Variants in UGT1A5 observed in about 807,000 individuals in gnomAD.
UGT1A5 encodes UDP glucuronosyltransferase family 1 member A5.
In UGT1A5, 29 loss-of-function variants were observed where a neutral mutation model predicts 40.3. The observed-to-expected ratio is 0.72, with a 90% CI of 0.54 to 0.98. The LOEUF (loss-of-function observed/expected upper bound fraction) is 0.98, where lower values mean the gene tolerates loss of function less well. Among genes scored for constraint, UGT1A5 ranks in the 50% least tolerant of loss-of-function variants. UGT1A5 has a pLI of 0.00. For missense variants in UGT1A5, 678 were observed against 677.9 expected (o/e 1.00, Z 0.00); for synonymous variants, 257 against 262.5 (o/e 0.98, Z 0.20).
intron 1 of UGT1A5, among the ~76,000 whole-genome samples, chr2:233,724,181 C>G (rs2077184625): frequency 7.7e-6 from 1 of 129,200 alleles, no homozygotes; most frequent in Non-Finnish European, 1.6e-5. Context: ...CATCTCCCTC[C>G]CGGACGGGGT....
At chr2:233,755,288 C>T in intron 1 of UGT1A5, 1 of 652,734 alleles carries the variant, frequency 1.5e-6, no homozygotes, top group Non-Finnish European at 2.4e-6. Flanking sequence ...GCCAAAGAGC[C>T]TGCGGGGCAC....
chr2:233,746,424 C>G (rs1693388244), intron 1 of UGT1A5, among the ~76,000 whole-genome samples: 1 of 151,702 alleles, frequency 6.6e-6, no homozygotes, highest in African/African-American at 2.4e-5. Flanking sequence ...GACCTATTAA[C>G]TTATGTCTTC....
At chr2:233,753,951 A>G (rs1466645267) in intron 1 of UGT1A5, among the ~76,000 whole-genome samples, 1 of 152,178 alleles carries the variant, frequency 6.6e-6, no homozygotes, top group Non-Finnish European at 1.5e-5. Flanking sequence ...ATGACCTCCA[A>G]AATATTAAGA....
rs45449797 is a variant in UGT1A5, at chr2:233,730,263, G to A, written c.867+16405G>A. ...ACTGGTGTGACTCATAGAGACTGTT[G>A]GTTTGTAAAGGCACCATCTTCATGG... is the stretch of plus-strand genomic sequence containing the variant. On this transcript the variant is annotated intron_variant, in intron 1 of 4. Coordinates refer to ENST00000373414, the MANE Select transcript of UGT1A5 (RefSeq NM_019078.2). 4.3e-4 allele frequency among the ~76,000 whole-genome samples: 66 copies of A among 152,188 alleles called. 2 individuals are homozygous for A. In the East Asian group the frequency reaches 0.011, roughly 26 times the overall value.
intron 1 of UGT1A5, among the ~76,000 whole-genome samples, chr2:233,721,326 T>G (rs2076937613): frequency 6.6e-6 from 1 of 152,254 alleles, no homozygotes; most frequent in East Asian, 1.9e-4. Context: ...TTTCTTGTGG[T>G]TTTTCACTAT....
intron 1 of UGT1A5, among the ~76,000 whole-genome samples, chr2:233,749,562 T>G (rs541768746): frequency 6.6e-6 from 1 of 151,876 alleles, no homozygotes; most frequent in African/African-American, 2.4e-5. Flanking sequence ...ATGTATTCAA[T>G]AGTGAGGCCA....
intron 1 of UGT1A5, chr2:233,717,940 C>T: frequency 2.2e-6 from 1 of 453,716 alleles, no homozygotes; most frequent in Non-Finnish European, 4.4e-6. Context: ...AGTCTCTATG[C>T]AGACTTGCAG....
intron 1 of UGT1A5, chr2:233,748,039 T>C (rs999910080): frequency 2.4e-4 from 393 of 1,613,376 alleles, no homozygotes; most frequent in South Asian, 8.0e-4. Context: ...ATGGTCTTCA[T>C]TGGGGGCATC....
At chr2:233,719,629 T>C in intron 1 of UGT1A5, 1 of 1,614,102 alleles carries the variant, frequency 6.2e-7, no homozygotes, top group Admixed American at 1.7e-5. Flanking sequence ...AGGCCGATCA[T>C]GCCCAACATG....
Position 233,739,559 on chromosome 2 carries a change from G to A in UGT1A5, c.867+25701G>A, listed in dbSNP as rs1322307786. On this transcript the variant is annotated intron_variant, in intron 1 of 4. Coordinates refer to ENST00000373414, the MANE Select transcript of UGT1A5 (RefSeq NM_019078.2). ...TTTGGAGCTTTAAGATTTAATGACTGCCCTGCCTGGTTTTGGACTTGCATG... is the reference window on the plus strand; with the variant it reads ...TTTGGAGCTTTAAGATTTAATGACTACCCTGCCTGGTTTTGGACTTGCATG... 2.6e-5 allele frequency among the ~76,000 whole-genome samples: 4 copies of A among 152,224 alleles called. No homozygotes were observed. In the South Asian group the frequency reaches 8.3e-4, roughly 31 times the overall value.
rs1402956787 is a variant in UGT1A5 at position 233,772,421 on chromosome 2, C to T, written c.1467C>T (p.Ser489=). 4.3e-6 allele frequency: 7 copies of T among 1,614,232 alleles called. No individual in the cohort carries two copies. The highest frequency in any genetic ancestry group is 1.6e-4 in the Middle Eastern group (1 of 6,062). ...AHDLTWYQYH[S]LDVIGFLLAV... ...ACCTCACCTGGTACCAGTACCATTC[C>T]TTGGACGTGATTGGTTTCCTCTTGG... Residue 489 remains serine (S), a synonymous_variant, in exon 5 of 5, where the codon TCC becomes TCT. Transcript: ENST00000373414.
chr2:233,740,508 G>A (rs529004725), intron 1 of UGT1A5, among the ~76,000 whole-genome samples: 1 of 152,040 alleles, frequency 6.6e-6, no homozygotes, highest in East Asian at 1.9e-4. Flanking sequence ...AGTGTGTGAT[G>A]TAAGCTGAAC....
At position 233,772,516 on chromosome 2, in the gene UGT1A5, A is replaced by G. The variant is rs1559420819; in HGVS notation, c.1562A>G (p.Lys521Arg). 3 of 1,614,208 alleles carry G rather than the reference A, an allele frequency of 1.9e-6. No homozygotes were observed. Among genetic ancestry groups the G allele is most frequent in the East Asian group, 2.2e-5 (1 of 44,880 alleles). ...TATGGCTACCGGAAATGCTTGGGGAAAAAAGGGCGAGTTAAGAAAGCCCAC... is the reference window on the plus strand; with the variant it reads ...TATGGCTACCGGAAATGCTTGGGGAGAAAAGGGCGAGTTAAGAAAGCCCAC... ...CAYGYRKCLGKKGRVKKAHKS... is the reference protein window; with the variant it reads ...CAYGYRKCLGRKGRVKKAHKS... The change falls in exon 5 of 5, where the codon AAA becomes AGA. Residue 521 changes from lysine (K) to arginine (R), a missense_variant. Transcript: ENST00000373414.
Position 233,769,822 on chromosome 2 carries a change from T to A in UGT1A5, c.1307+1383T>A. The A allele has an allele frequency of 2.6e-6, 2 of 764,522 alleles. No homozygotes were observed. The highest frequency in any genetic ancestry group is 1.9e-6 in the Non-Finnish European group (1 of 538,240). The allele number at this position is 764,522 out of a possible 1,614,324, so 47.4% of individuals were successfully genotyped here. On this transcript the variant is annotated intron_variant, in intron 4 of 4. Coordinates refer to ENST00000373414, the MANE Select transcript of UGT1A5 (RefSeq NM_019078.2). The surrounding 1 kb of genome is among the most constrained non-coding windows in gnomAD (Gnocchi z 4.4). ...ATGAGCCGTGATCATGCCACTGCAC[T>A]CCAGCAACCTGGGCAACAGAGTGAG... is the stretch of plus-strand genomic sequence containing the variant.
rs766714471 is a variant in UGT1A5 at position 233,754,631 on chromosome 2, T to C, written c.868-12403T>C. On this transcript the variant is annotated intron_variant, in intron 1 of 4. Coordinates refer to ENST00000373414, the MANE Select transcript of UGT1A5 (RefSeq NM_019078.2). ...CTCCATCTTCCTCCACTTCCACCCT[T>C]TCTTGGCCATTCTCAATGATTCTCT... The C allele has an allele frequency of 1.3e-4, 58 of 444,366 alleles. 1 individual carries two copies. Among genetic ancestry groups the C allele is most frequent in the South Asian group, 8.9e-4 (56 of 63,060 alleles). The allele number at this position is 444,366 out of a possible 1,614,324, so 27.5% of individuals were successfully genotyped here.
chr2:233,728,611 G>C (rs1206625269), intron 1 of UGT1A5, among the ~76,000 whole-genome samples: 1 of 152,228 alleles, frequency 6.6e-6, no homozygotes, highest in Non-Finnish European at 1.5e-5. Context: ...CCTCCACGCT[G>C]TTCAGAGAAA....
At chr2:233,747,146 G>T in intron 1 of UGT1A5, 1 of 1,568,908 alleles carries the variant, frequency 6.4e-7, no homozygotes, top group Non-Finnish European at 8.6e-7. Flanking sequence ...AGGTAATTAA[G>T]ATGAAGAAAA....
chr2:233,729,725 C>A (rs780989099), intron 1 of UGT1A5: 1 of 1,613,968 alleles, frequency 6.2e-7, no homozygotes, highest in East Asian at 2.2e-5. Flanking sequence ...TTACTAACAA[C>A]CAATTCAGAC....
chr2:233,734,725 G>A (rs549781531), intron 1 of UGT1A5, among the ~76,000 whole-genome samples: 6 of 150,570 alleles, frequency 4.0e-5, no homozygotes, highest in East Asian at 2.0e-4. Flanking sequence ...CTTTGTTCTC[G>A]TCGGTTTCAA....
Sources: allele counts gnomAD v4.1 joint callset (sites outside exome capture counted in the v4.1 genomes callset), GRCh38; gene constraint gnomAD v4.1.1; non-coding constraint Gnocchi (gnomAD v3.1); transcripts MANE v1.5; gene names NCBI Gene and HGNC (gene_info 2026-07-23, HGNC 2026-07-21).